The following PHF14 variants were observed in gnomAD, a reference collection of about 807,000 sequenced individuals.
PHF14 encodes the protein PHD finger protein 14.
A neutral mutation model predicts 117.9 loss-of-function variants in PHF14; 55 were observed. The observed-to-expected ratio is 0.47, with a 90% CI of 0.38 to 0.58. The LOEUF is 0.58. Among genes scored for constraint, PHF14 ranks in the 20% least tolerant of loss-of-function variants. The pLI is 0.00. For missense variants in PHF14, 978 were observed against 1,122.2 expected (o/e 0.87, Z 1.84); for synonymous variants, 409 against 368.6 (o/e 1.11, Z -1.26).
Position 11,028,706 on chromosome 7 carries a change from G to A in PHF14, c.1343G>A (p.Arg448His), listed in dbSNP as rs1784014096. The change falls in exon 7 of 18, where the codon CGC becomes CAC. Residue 448 changes from arginine to histidine, a missense_variant. This residue lies in a region of PHF14 where 21 missense variants were observed against 16.5 expected (regional missense o/e 1.27). Transcript: ENST00000634607. Reference sequence around the variant, plus strand: ...GAGTGTAGCTTTTGTGAAGACCCTCGCTTTGCTAGAACTGGGGTTTGCATT... The same window carrying A: ...GAGTGTAGCTTTTGTGAAGACCCTCACTTTGCTAGAACTGGGGTTTGCATT... The part of the protein sequence containing the change: ...AKECSFCEDP[R>H]FARTGVCISC... 1.9e-6 allele frequency: 3 copies of A among 1,613,498 alleles called. No individual in the cohort carries two copies. The highest frequency in any genetic ancestry group is 2.2e-5 in the East Asian group (1 of 44,876).
intron 17 of PHF14, among the ~76,000 whole-genome samples, chr7:11,156,973 C>G (rs1182727593): frequency 1.3e-5 from 2 of 152,094 alleles, no homozygotes; most frequent in African/African-American, 4.8e-5. Flanking sequence ...ATTTTGATAT[C>G]ATAACTGAAC....
chr7:11,014,804 C>T (rs544187726), intron 5 of PHF14: 7 of 152,090 alleles, frequency 4.6e-5, no homozygotes, highest in African/African-American at 1.7e-4. Flanking sequence ...GGCACAAAGA[C>T]CTGTGTTCTT....
chr7:11,097,636 C>A (rs1216004019), intron 16 of PHF14, among the ~76,000 whole-genome samples: 1 of 152,152 alleles, frequency 6.6e-6, no homozygotes, highest in Non-Finnish European at 1.5e-5. Context: ...GAATACTTTC[C>A]CTTACCACAG....
chr7:11,104,907 CATTG>C lies in PHF14; in HGVS notation c.2655-6436_2655-6433del, dbSNP rs965515756. On this transcript the variant is annotated intron_variant, in intron 16 of 17. Coordinates refer to ENST00000634607, the MANE Select transcript of PHF14 (RefSeq NM_001007157.2). ...TAAAACATCGTTGTGTTGTGCTTAA[CATTG>C]ATTGATAAAGGAATGTGCTTTTAAC... The C allele has an allele frequency of 3.7e-5, 36 of 978,004 alleles. 1 individual carries two copies. Among genetic ancestry groups the C allele is most frequent in the Middle Eastern group, 5.3e-4 (1 of 1,902 alleles). The allele number at this position is 978,004 out of a possible 1,614,324, so 60.6% of individuals were successfully genotyped here. A position where few individuals can be genotyped will look rare whatever the true frequency, so the allele number is the denominator to read the frequency against.
intron 17 of PHF14, among the ~76,000 whole-genome samples, chr7:11,121,277 T>C (rs1234967040): frequency 6.6e-6 from 1 of 152,218 alleles, no homozygotes; most frequent in Non-Finnish European, 1.5e-5. Context: ...GTTTTTAACT[T>C]TTAGAGCATA....
chr7:11,111,045 GTT>G lies in PHF14; in HGVS notation c.2655-302_2655-301del, dbSNP rs1339070254. The stretch of plus-strand genomic sequence containing the variant: ...GTTCACAATTGAAATTGTTGTGGTT[GTT>G]TTGAACACATGATTATACATATACG... On this transcript the variant is annotated intron_variant, in intron 16 of 17. Coordinates refer to ENST00000634607, the MANE Select transcript of PHF14 (RefSeq NM_001007157.2). 7 of 193,078 alleles carry G rather than the reference GTT, an allele frequency of 3.6e-5. No homozygotes were observed. The Admixed American group carries it at 3.6e-4, about 10-fold the overall frequency. 12.0% of individuals were successfully genotyped at this position (193,078 alleles called of 1,614,324 possible).
Position 11,130,031 on chromosome 7 carries a change from A to C in PHF14, c.2772+18564A>C, listed in dbSNP as rs28444275. ...AAAAAGAATCCCAAATTTTTAGTTG[A>C]TTAATATAAGTTGATTTCTCATTCA... On this transcript the variant is annotated intron_variant, in intron 17 of 17. Coordinates refer to ENST00000634607, the MANE Select transcript of PHF14 (RefSeq NM_001007157.2). The surrounding 1 kb of genome is among the most constrained non-coding windows in gnomAD (Gnocchi z 4.2). Among the ~76,000 whole-genome samples the C allele has an allele frequency of 6.6e-6, 1 of 151,998 alleles. No individual in the cohort carries two copies. The highest frequency in any genetic ancestry group is 6.6e-5 in the Admixed American group (1 of 15,224).
chr7:11,105,289 A>G, intron 16 of PHF14: 1 of 948,008 alleles, frequency 1.1e-6, no homozygotes, highest in Non-Finnish European at 1.3e-6. Context: ...TATATTTATG[A>G]TGTTAAAAAT....
At chr7:11,159,327 T>C (rs1241014123) in intron 17 of PHF14, among the ~76,000 whole-genome samples, 5 of 152,086 alleles carry the variant, frequency 3.3e-5, no homozygotes, top group African/African-American at 1.2e-4. Flanking sequence ...TGCAGGTTTG[T>C]TACATAGGTA....
At chr7:11,045,338 T>A (rs185055797) in intron 13 of PHF14, among the ~76,000 whole-genome samples, 1 of 152,246 alleles carries the variant, frequency 6.6e-6, no homozygotes, top group East Asian at 1.9e-4. Context: ...ACTGGACTCT[T>A]ATTTCATGAC....
intron 4 of PHF14, among the ~76,000 whole-genome samples, chr7:10,994,363 C>T (rs1782559259): frequency 6.6e-6 from 1 of 151,742 alleles, no homozygotes; most frequent in Non-Finnish European, 1.5e-5. Context: ...GGCTTGAACC[C>T]AGGAGGCAGA....
chr7:11,016,875 C>A (rs978569619), intron 5 of PHF14, among the ~76,000 whole-genome samples: 1 of 152,086 alleles, frequency 6.6e-6, no homozygotes, highest in Admixed American at 6.5e-5. Flanking sequence ...CTCCCACCTC[C>A]CCCCACCATT....
At chr7:11,054,537 G>A (rs1250120526) in intron 14 of PHF14, among the ~76,000 whole-genome samples, 2 of 152,052 alleles carry the variant, frequency 1.3e-5, no homozygotes, top group African/African-American at 4.8e-5. Flanking sequence ...TTTATGCTGA[G>A]TTCCTGTTGT....
At chr7:11,113,031 G>A (rs1048525641) in intron 17 of PHF14, among the ~76,000 whole-genome samples, 1 of 151,854 alleles carries the variant, frequency 6.6e-6, no homozygotes, top group African/African-American at 2.4e-5. Flanking sequence ...TTAAATAGTT[G>A]TCTTACGAGT....
At chr7:11,033,581 C>T (rs555688322) in intron 7 of PHF14, among the ~76,000 whole-genome samples, 2 of 152,134 alleles carry the variant, frequency 1.3e-5, no homozygotes, top group African/African-American at 4.8e-5. Context: ...CCAGTAAAAA[C>T]TCATAGGGGT....
intron 4 of PHF14, 36 bp downstream of exon 4, chr7:10,990,883 G>C: frequency 6.8e-7 from 1 of 1,472,672 alleles, no homozygotes; most frequent in Non-Finnish European, 9.3e-7. Context: ...TTTAGAAATG[G>C]CTGACTGTGG....
chr7:11,122,752 A>G (rs1166202803), intron 17 of PHF14, among the ~76,000 whole-genome samples: 1 of 152,180 alleles, frequency 6.6e-6, no homozygotes, highest in African/African-American at 2.4e-5. Flanking sequence ...AGTATGGTCC[A>G]CATTGTCCTT....
intron 6 of PHF14, among the ~76,000 whole-genome samples, chr7:11,028,103 C>T (rs1227850337): frequency 6.6e-6 from 1 of 151,988 alleles, no homozygotes; most frequent in Non-Finnish European, 1.5e-5. Context: ...TTTAATACAC[C>T]TAACTTACTG....
intron 14 of PHF14, among the ~76,000 whole-genome samples, chr7:11,055,141 T>C (rs933607745): frequency 1.3e-5 from 2 of 152,194 alleles, no homozygotes; most frequent in African/African-American, 2.4e-5. Flanking sequence ...TATTTAGACA[T>C]TTTCTCTGCA....
Sources: gnomAD v4.1 joint callset for allele counts (sites outside exome capture counted in the v4.1 genomes callset) on GRCh38, gnomAD v4.1.1 for gene constraint, gnomAD v4.1.1 regional missense constraint, Gnocchi (gnomAD v3.1) non-coding constraint, MANE v1.5 for transcripts, NCBI Gene and HGNC (gene_info 2026-07-23, HGNC 2026-07-21) for gene names.